FHIP2A: variants seen among roughly 807,000 people sequenced by gnomAD.
The protein encoded by FHIP2A is family with sequence similarity 160 member B1.
FHIP2A carries 46 observed loss-of-function variants against 93.5 expected under a neutral mutation model. The ratio of observed to expected loss-of-function variants is 0.49; its 90% CI spans 0.39 to 0.63. The LOEUF (loss-of-function observed/expected upper bound fraction) is 0.63, where lower values mean the gene tolerates loss of function less well. FHIP2A is among the 20% of genes least tolerant of loss of function. FHIP2A has a pLI of 0.00. For synonymous variants in FHIP2A, 332 were observed against 326.5 expected (o/e 1.02, Z -0.18); for missense variants, 769 against 909.7 (o/e 0.85, Z 1.99).
intron 16 of FHIP2A, among the ~76,000 whole-genome samples, chr10:114,891,816 A>G (rs1006542120): frequency 6.6e-6 from 1 of 151,926 alleles, no homozygotes; most frequent in South Asian, 2.1e-4. Context: ...CGGTTTCTCC[A>G]TGTTGTTCAG....
intron 12 of FHIP2A, among the ~76,000 whole-genome samples, chr10:114,847,720 T>G (rs1437849187): frequency 6.6e-6 from 1 of 151,268 alleles, no homozygotes; most frequent in East Asian, 1.9e-4. Context: ...TAACTGTGGT[T>G]AAATGAACCC....
Position 114,863,038 on chromosome 10 carries a change from T to C in FHIP2A, c.*1498T>C, listed in dbSNP as rs778851981. 4.0e-4 allele frequency: 391 copies of C among 985,060 alleles called. No individual in the cohort carries two copies. The highest frequency in any genetic ancestry group is 4.6e-4 in the Non-Finnish European group (378 of 829,678). The allele number at this position is 985,060 out of a possible 1,614,324, so 61.0% of individuals were successfully genotyped here. A position where few individuals can be genotyped will look rare whatever the true frequency, so the allele number is the denominator to read the frequency against. On this transcript the variant is annotated 3_prime_UTR_variant, in exon 17 of 17. Transcript: ENST00000369248. Reference sequence around the variant, plus strand: ...TTCTTGCTATTTATTAAGAACAGAATATCAAAAGATTATGAATAGCCTCAG... The same window carrying C: ...TTCTTGCTATTTATTAAGAACAGAACATCAAAAGATTATGAATAGCCTCAG...
intron 15 of FHIP2A, 119 bp from the exon 16 acceptor site, chr10:114,861,111 GA>G (rs2083796012): frequency 7.1e-6 from 9 of 1,274,252 alleles, no homozygotes; most frequent in Non-Finnish European, 8.6e-6. Flanking sequence ...ATGATTATAT[GA>G]GTAGTGAAAG....
intron 5 of FHIP2A, among the ~76,000 whole-genome samples, chr10:114,838,240 T>G (rs1296827490): frequency 6.6e-6 from 1 of 152,202 alleles, no homozygotes; most frequent in Non-Finnish European, 1.5e-5. Context: ...TGGGTTTGTT[T>G]TCTATTTTAC....
At chr10:114,873,681 A>G (rs1342453933) in intron 16 of FHIP2A, among the ~76,000 whole-genome samples, 1 of 152,080 alleles carries the variant, frequency 6.6e-6, no homozygotes, top group East Asian at 1.9e-4. Context: ...ATCTAATACT[A>G]TTTCATTGGT....
intron 16 of FHIP2A, among the ~76,000 whole-genome samples, chr10:114,895,519 T>C (rs558294293): frequency 1.3e-5 from 2 of 152,314 alleles, no homozygotes; most frequent in South Asian, 2.1e-4. Flanking sequence ...TGTACAATCC[T>C]TAATAACGAT....
intron 15 of FHIP2A, 121 bp from the exon 16 acceptor site, chr10:114,861,110 T>C: frequency 7.9e-7 from 1 of 1,271,176 alleles, no homozygotes; most frequent in Non-Finnish European, 1.1e-6. Context: ...GATGATTATA[T>C]GAGTAGTGAA....
intron 14 of FHIP2A, among the ~76,000 whole-genome samples, chr10:114,858,440 G>T: frequency 6.6e-6 from 1 of 152,256 alleles, no homozygotes; most frequent in East Asian, 1.9e-4. Context: ...AAATAGTAAT[G>T]TATTTGTTTA....
chr10:114,846,792 C>T (rs2083704347), intron 11 of FHIP2A, 64 bp downstream of exon 11: 1 of 1,372,058 alleles, frequency 7.3e-7, no homozygotes, highest in Admixed American at 2.4e-5. Context: ...TCTCTCTCCT[C>T]TTATCTACCT....
At chr10:114,876,712 T>C (rs963672422) in intron 16 of FHIP2A, among the ~76,000 whole-genome samples, 8 of 151,858 alleles carry the variant, frequency 5.3e-5, no homozygotes, top group Non-Finnish European at 2.9e-5. Flanking sequence ...CAGAGATGAG[T>C]CTCTTCTCAC....
intron 16 of FHIP2A, among the ~76,000 whole-genome samples, chr10:114,891,678 G>A (rs1483827576): frequency 3.3e-5 from 5 of 151,112 alleles, no homozygotes; most frequent in East Asian, 1.9e-4. Context: ...GTGCAGTGGC[G>A]TGATCTCAGC....
At chr10:114,884,952 A>G (rs2083935148) in intron 16 of FHIP2A, among the ~76,000 whole-genome samples, 1 of 151,654 alleles carries the variant, frequency 6.6e-6, no homozygotes, top group Non-Finnish European at 1.5e-5. Flanking sequence ...GTACTAGGAC[A>G]GTATCTGATA....
At chr10:114,864,824 C>A, downstream of FHIP2A, 1 of 324,358 alleles carries the variant, frequency 3.1e-6, no homozygotes, top group Non-Finnish European at 4.4e-6. Context: ...ATATGGCACC[C>A]TACAATCAGT....
chr10:114,888,653 A>G (rs2083954889), intron 16 of FHIP2A, among the ~76,000 whole-genome samples: 1 of 151,696 alleles, frequency 6.6e-6, no homozygotes, highest in Admixed American at 6.6e-5. Context: ...CCCAGGCTGG[A>G]GTGCAATGGT....
At chr10:114,836,353 A>G (rs2083636971) in intron 5 of FHIP2A, 107 bp downstream of exon 5, 1 of 881,210 alleles carries the variant, frequency 1.1e-6, no homozygotes, top group Non-Finnish European at 1.7e-6. Flanking sequence ...GCAGGTTATT[A>G]GCTTGTTTTA....
Position 114,895,889 on chromosome 10 carries a change from T to C in FHIP2A, c.2193-3601T>C, listed in dbSNP as rs537505967. 3.3e-4 allele frequency among the ~76,000 whole-genome samples: 50 copies of C among 152,312 alleles called. 1 individual carries two copies. The South Asian group carries it at 7.7e-3, about 23-fold the overall frequency. On this transcript the variant is annotated intron_variant, in intron 16 of 16. Transcript: ENST00000369250. ...CATATCAGTTAGCCTCTCTGAATCA[T>C]AGTTTTCTTATTTGAAAAACAGAGA...
chr10:114,885,929 T>C (rs2083940729), intron 16 of FHIP2A, among the ~76,000 whole-genome samples: 1 of 152,218 alleles, frequency 6.6e-6, no homozygotes, highest in Non-Finnish European at 1.5e-5. Flanking sequence ...GGTTGAAGGC[T>C]GTCAAAGAAA....
At chr10:114,876,329 G>T (rs1438162805) in intron 16 of FHIP2A, among the ~76,000 whole-genome samples, 1 of 152,190 alleles carries the variant, frequency 6.6e-6, no homozygotes, top group African/African-American at 2.4e-5. Flanking sequence ...CCTAATGCAG[G>T]ATTTGGCTTG....
At chr10:114,881,412 G>T (rs774942084) in intron 16 of FHIP2A, among the ~76,000 whole-genome samples, 1 of 152,024 alleles carries the variant, frequency 6.6e-6, no homozygotes. Context: ...GCCCCTCACC[G>T]GCACCCTATG....
Sources: allele counts gnomAD v4.1 joint callset (sites outside exome capture counted in the v4.1 genomes callset), GRCh38; gene constraint gnomAD v4.1.1; transcripts MANE v1.5; gene names NCBI Gene and HGNC (gene_info 2026-07-23, HGNC 2026-07-21).